Variants in KCNQ1 observed in about 807,000 individuals in gnomAD.
KCNQ1 encodes the protein potassium voltage-gated channel subfamily KQT member 1.
KCNQ1 carries 49 observed loss-of-function variants against 72.4 expected under a neutral mutation model. That is an observed-to-expected ratio of 0.68 (90% CI 0.54 to 0.86). KCNQ1 has a LOEUF of 0.86. Ranked by LOEUF, KCNQ1 falls within the 40% of genes least tolerant of loss-of-function variation. KCNQ1 has a pLI of 0.00. For missense variants in KCNQ1, 790 were observed against 945.1 expected (o/e 0.84, Z 2.15); for synonymous variants, 450 against 412.6 (o/e 1.09, Z -1.10).
intron 2 of KCNQ1, among the ~76,000 whole-genome samples, chr11:2,554,843 C>T (rs1459889252): frequency 6.6e-6 from 1 of 152,194 alleles, no homozygotes. Flanking sequence ...AAAATCCGTG[C>T]ACAATTTCCT....
chr11:2,634,617 G>T (rs1481432521), intron 10 of KCNQ1: 1 of 152,028 alleles, frequency 6.6e-6, no homozygotes, highest in South Asian at 2.1e-4. Context: ...CTTTGCTATC[G>T]TGAATAGTGC....
Position 2,669,302 on chromosome 11 carries a change from G to A in KCNQ1, c.1514+7221G>A, listed in dbSNP as rs545784813. The stretch of plus-strand genomic sequence containing the variant: ...CAGGGTTTCTCCTCACCATACATAT[G>A]CCAGTTGCCATGGAAAGCCTCCTCT... On this transcript the variant is annotated intron_variant, in intron 11 of 15. Transcript: ENST00000155840. The surrounding 1 kb of genome is among the most constrained non-coding windows in gnomAD (Gnocchi z 5.6). The A allele has an allele frequency of 3.5e-5, 14 of 398,602 alleles. No homozygotes were observed. The South Asian group carries it at 1.0e-3, about 29-fold the overall frequency. The allele number at this position is 398,602 out of a possible 1,614,324, so 24.7% of individuals were successfully genotyped here.
At position 2,538,381 on chromosome 11, in the gene KCNQ1, C is replaced by G. The variant is rs1448035547; in HGVS notation, c.477+10363C>G. Among the ~76,000 whole-genome samples, 4 of 151,924 alleles carry G rather than the reference C, an allele frequency of 2.6e-5. No individual in the cohort carries two copies. Among genetic ancestry groups the G allele is most frequent in the Non-Finnish European group, 5.9e-5 (4 of 67,974 alleles). Reference sequence around the variant, plus strand: ...TTGTGTGGACGAGTTGGAGGGCTCACAGGCCCCTCTGTGGGGCCCAGGGCA... The same window carrying G: ...TTGTGTGGACGAGTTGGAGGGCTCAGAGGCCCCTCTGTGGGGCCCAGGGCA... On this transcript the variant is annotated intron_variant, in intron 2 of 15. Transcript: ENST00000155840. This position sits in a 1 kb window ranked among gnomAD's most constrained non-coding sequence, Gnocchi z 6.7.
chr11:2,846,193 C>T (rs905796640), intron 15 of KCNQ1, among the ~76,000 whole-genome samples: 6 of 152,168 alleles, frequency 3.9e-5, no homozygotes, highest in Admixed American at 6.5e-5. Context: ...CTGGAGTGCA[C>T]GGCCAGGTGG....
At chr11:2,628,754 G>C (rs1210334823) in intron 10 of KCNQ1, 3 of 398,150 alleles carry the variant, frequency 7.5e-6, no homozygotes, top group Admixed American at 8.8e-5. Flanking sequence ...AGGTTTTATG[G>C]TTTCAGGTCA....
intron 6 of KCNQ1, among the ~76,000 whole-genome samples, chr11:2,576,970 C>G (rs1181419989): frequency 6.6e-6 from 1 of 152,218 alleles, no homozygotes; most frequent in Non-Finnish European, 1.5e-5. Context: ...GAGTACGCAC[C>G]TGCTGTGTGC....
chr11:2,727,675 T>C (rs1170371282), intron 11 of KCNQ1, among the ~76,000 whole-genome samples: 2 of 152,064 alleles, frequency 1.3e-5, no homozygotes, highest in Admixed American at 6.6e-5. Flanking sequence ...GGCCAGGAGC[T>C]TGTGGACATA....
intron 15 of KCNQ1, among the ~76,000 whole-genome samples, chr11:2,822,895 G>C (rs1356355283): frequency 6.6e-6 from 1 of 151,666 alleles, no homozygotes; most frequent in Non-Finnish European, 1.5e-5. Flanking sequence ...AGCAGAAAGA[G>C]TGCTTGGAAA....
chr11:2,760,096 C>T (rs1846365704), intron 11 of KCNQ1, among the ~76,000 whole-genome samples: 1 of 152,228 alleles, frequency 6.6e-6, no homozygotes, highest in Non-Finnish European at 1.5e-5. Flanking sequence ...TTGAATGTGG[C>T]GCTGGCCCCT....
intron 10 of KCNQ1, chr11:2,640,621 A>T: frequency 2.5e-6 from 1 of 396,968 alleles, no homozygotes; most frequent in Non-Finnish European, 4.4e-6. Context: ...CTATTGTTAC[A>T]TGCATCGAAT....
At chr11:2,459,243 C>G (rs7948693) in intron 1 of KCNQ1, among the ~76,000 whole-genome samples, 45,688 of 151,972 alleles carry the variant, frequency 0.3, 8,219 homozygotes, top group African/African-American at 0.49. Context: ...CCGTGGCGCC[C>G]GGTGGTGTGA....
chr11:2,760,107 T>G (rs1846365981), intron 11 of KCNQ1, among the ~76,000 whole-genome samples: 1 of 152,128 alleles, frequency 6.6e-6, no homozygotes, highest in African/African-American at 2.4e-5. Context: ...GCTGGCCCCT[T>G]GGGCAGCCCA....
rs1849150731 is a variant in KCNQ1, at chr11:2,620,422, G to A, written c.1393+31568G>A. Reference sequence around the variant, plus strand: ...GTAGAGACAGGGTTTTTCCATGTTGGTCAGGCTGGTCTCGAACTCCTGACC... The same window carrying A: ...GTAGAGACAGGGTTTTTCCATGTTGATCAGGCTGGTCTCGAACTCCTGACC... On this transcript the variant is annotated intron_variant, in intron 10 of 15. Transcript: ENST00000155840. This position sits in a 1 kb window ranked among gnomAD's most constrained non-coding sequence, Gnocchi z 4.5. 2 of 250,714 alleles carry A rather than the reference G, an allele frequency of 8.0e-6. No homozygotes were observed. Among genetic ancestry groups the A allele is most frequent in the South Asian group, 1.8e-4 (1 of 5,676 alleles). The allele number at this position is 250,714 out of a possible 1,614,324, so 15.5% of individuals were successfully genotyped here. A position where few individuals can be genotyped will look rare whatever the true frequency, so the allele number is the denominator to read the frequency against.
At chr11:2,737,803 A>G (rs1845984675) in intron 11 of KCNQ1, among the ~76,000 whole-genome samples, 1 of 152,192 alleles carries the variant, frequency 6.6e-6, no homozygotes, top group Admixed American at 6.5e-5. Flanking sequence ...CGACCGTCAC[A>G]GCCCTAACTC....
At position 2,451,037 on chromosome 11, in the gene KCNQ1, G is replaced by A. The variant is rs1252644114; in HGVS notation, c.386+5553G>A. ...TTCTAATGTTTGGTTCAGGGTGTGG[G>A]GTCCATCTGAGCAGGCATGGTGCTT... On this transcript the variant is annotated intron_variant, in intron 1 of 15. Coordinates refer to ENST00000155840, the MANE Select transcript of KCNQ1 (RefSeq NM_000218.3). The surrounding 1 kb of genome is among the most constrained non-coding windows in gnomAD (Gnocchi z 6.4). 1.3e-5 allele frequency among the ~76,000 whole-genome samples: 2 copies of A among 152,086 alleles called. No individual in the cohort carries two copies. Among genetic ancestry groups the A allele is most frequent in the Non-Finnish European group, 2.9e-5 (2 of 68,018 alleles).
intron 1 of KCNQ1, among the ~76,000 whole-genome samples, chr11:2,469,310 C>T (rs1846404133): frequency 6.6e-6 from 1 of 151,444 alleles, no homozygotes; most frequent in Non-Finnish European, 1.5e-5. Context: ...CTCTCCGTCT[C>T]CCAGGTTGTA....
At position 2,593,255 on chromosome 11, in the gene KCNQ1, G is replaced by T. The variant is rs1418367046; in HGVS notation, c.1393+4401G>T. On this transcript the variant is annotated intron_variant, in intron 10 of 15. Coordinates refer to ENST00000155840, the MANE Select transcript of KCNQ1 (RefSeq NM_000218.3). This position sits in a 1 kb window ranked among gnomAD's most constrained non-coding sequence, Gnocchi z 6.9. ...GAGGTGGCCTCCTGAATGCCCCTAGGAGGCCAGAGGAGACTTCCCCAAATT... is the reference window on the plus strand; with the variant it reads ...GAGGTGGCCTCCTGAATGCCCCTAGTAGGCCAGAGGAGACTTCCCCAAATT... Among the ~76,000 whole-genome samples the T allele has an allele frequency of 6.6e-6, 1 of 152,136 alleles. No homozygotes were observed. The highest frequency in any genetic ancestry group is 1.5e-5 in the Non-Finnish European group (1 of 68,044).
chr11:2,642,258 T>A lies in KCNQ1; in HGVS notation c.1394-19703T>A, dbSNP rs1849591775. 2.5e-6 allele frequency: 1 copy of A among 398,400 alleles called. No individual in the cohort carries two copies. The highest frequency in any genetic ancestry group is 4.4e-6 in the Non-Finnish European group (1 of 225,930). 24.7% of individuals were successfully genotyped at this position (398,400 alleles called of 1,614,324 possible). On this transcript the variant is annotated intron_variant, in intron 10 of 15. Transcript: ENST00000155840. The surrounding 1 kb of genome is among the most constrained non-coding windows in gnomAD (Gnocchi z 4.3). The stretch of plus-strand genomic sequence containing the variant: ...ATTCTCCCAATCCATGAGAATGGGA[T>A]GTTTTTTGTGTGTTCTTTTCAATTT...
rs73417368 is a variant in KCNQ1, at chr11:2,640,219, C to T, written c.1394-21742C>T. ...AGTGGGCTGCACCCACTGTCCTGTA[C>T]CCACTGTCTTGACGAGCCCCAGTGA... On this transcript the variant is annotated intron_variant, in intron 10 of 15. Coordinates refer to ENST00000155840, the MANE Select transcript of KCNQ1 (RefSeq NM_000218.3). The T allele has an allele frequency of 1.3e-3, 500 of 394,604 alleles. 4 individuals carry two copies. Among genetic ancestry groups the T allele is most frequent in the African/African-American group, 9.2e-3 (446 of 48,702 alleles). 24.4% of individuals were successfully genotyped at this position (394,604 alleles called of 1,614,324 possible).
Sources: gnomAD v4.1 joint callset for allele counts (sites outside exome capture counted in the v4.1 genomes callset) on GRCh38, gnomAD v4.1.1 for gene constraint, Gnocchi (gnomAD v3.1) non-coding constraint, MANE v1.5 for transcripts, NCBI Gene and HGNC (gene_info 2026-07-23, HGNC 2026-07-21) for gene names.